The following TENM3 variants were observed in gnomAD, a reference collection of about 807,000 sequenced individuals.
TENM3 encodes teneurin-3.
Under a neutral mutation model 255.1 loss-of-function variants are expected in TENM3, and 63 were observed. That is an observed-to-expected ratio of 0.25 (90% CI 0.20 to 0.30). TENM3 has a LOEUF of 0.30. TENM3 is among the 10% of genes least tolerant of loss of function. The probability of loss-of-function intolerance (pLI) is 1.00; values close to 1 mark genes in which losing one functional copy is unlikely to be tolerated. For missense variants in TENM3, 2,929 were observed against 3,461.1 expected, an observed-to-expected ratio of 0.85 and a Z score of 3.86; for synonymous variants, 1,306 against 1,322.3, an observed-to-expected ratio of 0.99 and a Z score of 0.27.
chr4:182,278,491 G>C (rs913791276), intron 1 of TENM3, among the ~76,000 whole-genome samples: 1 of 152,118 alleles, frequency 6.6e-6, no homozygotes, highest in Non-Finnish European at 1.5e-5. Flanking sequence ...ATCTGCTGGG[G>C]CTGCTGAGTG....
chr4:182,177,352 C>T (rs1305644930), intron 1 of TENM3, among the ~76,000 whole-genome samples: 2 of 152,080 alleles, frequency 1.3e-5, no homozygotes, highest in East Asian at 3.9e-4. Context: ...ACACATTCTT[C>T]TGCCCGGCTG....
At chr4:182,152,932 T>A (rs1579518717) in intron 1 of TENM3, among the ~76,000 whole-genome samples, 1 of 151,926 alleles carries the variant, frequency 6.6e-6, no homozygotes, top group East Asian at 1.9e-4. Context: ...TAGTTAAAAG[T>A]GCAGTCTCAA....
chr4:182,159,169 A>C (rs1373326261), intron 1 of TENM3, among the ~76,000 whole-genome samples: 1 of 152,128 alleles, frequency 6.6e-6, no homozygotes. Flanking sequence ...GACATGGTGG[A>C]GATGGGGATG....
At chr4:181,728,618 T>C in the TENM3 span, among the ~76,000 whole-genome samples, 1 of 152,162 alleles carries the variant, frequency 6.6e-6, no homozygotes, top group African/African-American at 2.4e-5. Context: ...TAATGAGCAG[T>C]GAGGAGGACC....
intron 3 of TENM3, among the ~76,000 whole-genome samples, chr4:182,450,445 G>A (rs754044693): frequency 1.3e-5 from 2 of 152,030 alleles, no homozygotes. Context: ...AAATGCGACT[G>A]CAGCGTTCAA....
chr4:181,769,464 C>T, the TENM3 span, among the ~76,000 whole-genome samples: 1 of 152,152 alleles, frequency 6.6e-6, no homozygotes, highest in Non-Finnish European at 1.5e-5. Context: ...AATAATGGCT[C>T]CTCCTCATTG....
intron 3 of TENM3, among the ~76,000 whole-genome samples, chr4:182,378,341 C>T (rs6552563): frequency 0.51 from 77,601 of 151,988 alleles, 20,600 homozygotes; most frequent in Non-Finnish European, 0.59. Context: ...GAGGGAAAGA[C>T]AGACCTCGCA....
chr4:181,829,462 G>T, the TENM3 span, among the ~76,000 whole-genome samples: 2,454 of 152,268 alleles, frequency 0.016, 38 homozygotes, highest in Middle Eastern at 0.051. Flanking sequence ...GCAATAGTTT[G>T]GGGTTTGGTC....
chr4:181,646,142 G>C, the TENM3 span, among the ~76,000 whole-genome samples: 1 of 152,224 alleles, frequency 6.6e-6, no homozygotes, highest in Non-Finnish European at 1.5e-5. Flanking sequence ...AGGTATTGCT[G>C]TTGTTTTGTT....
intron 3 of TENM3, among the ~76,000 whole-genome samples, chr4:182,522,765 C>A (rs75378176): frequency 0.035 from 5,404 of 152,228 alleles, 204 homozygotes; most frequent in African/African-American, 0.093. Context: ...TTCTGTAGTA[C>A]ACGTGGGAGT....
chr4:182,692,536 T>C (rs190626477), intron 12 of TENM3, among the ~76,000 whole-genome samples: 384 of 152,318 alleles, frequency 2.5e-3, no homozygotes, highest in Non-Finnish European at 4.5e-3. Flanking sequence ...TGGAGGGTTG[T>C]TGTGAAGGAA....
intron 3 of TENM3, among the ~76,000 whole-genome samples, chr4:182,495,089 G>A (rs1287500271): frequency 2.0e-5 from 3 of 152,144 alleles, no homozygotes; most frequent in Non-Finnish European, 4.4e-5. Context: ...ATTATGACAA[G>A]CCTTTTGCCT....
chr4:182,127,522 T>G, the TENM3 span, among the ~76,000 whole-genome samples: 2 of 152,230 alleles, frequency 1.3e-5, no homozygotes, highest in Admixed American at 6.5e-5. Context: ...TGCATGTTCT[T>G]TAAGGGAACT....
the TENM3 span, among the ~76,000 whole-genome samples, chr4:182,095,921 T>A: frequency 2.0e-5 from 3 of 151,416 alleles, no homozygotes; most frequent in Admixed American, 2.0e-4. Context: ...GAAAAGGAAA[T>A]TTTTTAATGG....
the TENM3 span, among the ~76,000 whole-genome samples, chr4:181,625,167 A>G: frequency 6.6e-6 from 1 of 152,108 alleles, no homozygotes; most frequent in South Asian, 2.1e-4. Flanking sequence ...GGATCCAGGG[A>G]TGGGAGGAAG....
chr4:182,457,556 A>AT (rs1313518502), intron 3 of TENM3, among the ~76,000 whole-genome samples: 488 of 38,986 alleles, frequency 0.013, 5 homozygotes, highest in African/African-American at 0.029. Flanking sequence ...AATCATGTAT[A>AT]TCTTTTTTTT....
chr4:182,488,328 C>T (rs961390789), intron 3 of TENM3, among the ~76,000 whole-genome samples: 9 of 152,092 alleles, frequency 5.9e-5, no homozygotes, highest in African/African-American at 2.2e-4. Flanking sequence ...AACAAAGTAT[C>T]ATGATTTGGT....
chr4:181,976,761 G>C, the TENM3 span, among the ~76,000 whole-genome samples: 1 of 152,200 alleles, frequency 6.6e-6, no homozygotes, highest in African/African-American at 2.4e-5. Flanking sequence ...TTTGGGAGTT[G>C]TCCGGATAGA....
the TENM3 span, among the ~76,000 whole-genome samples, chr4:181,637,107 A>G: frequency 6.6e-6 from 1 of 152,186 alleles, no homozygotes; most frequent in African/African-American, 2.4e-5. Flanking sequence ...CCACCTTCCC[A>G]TGAAGACCTT....
Sources: gnomAD v4.1 joint callset for allele counts (sites outside exome capture counted in the v4.1 genomes callset) on GRCh38, gnomAD v4.1.1 for gene constraint, MANE v1.5 for transcripts, NCBI Gene and HGNC (gene_info 2026-07-23, HGNC 2026-07-21) for gene names.